The following TBXAS1 variants were observed in gnomAD, a reference collection of about 807,000 sequenced individuals.
TBXAS1 encodes thromboxane-A synthase.
A neutral mutation model predicts 60.7 loss-of-function variants in TBXAS1; 48 were observed. The observed-to-expected ratio is 0.79, with a 90% confidence interval of 0.63 to 1.01. The LOEUF (loss-of-function observed/expected upper bound fraction) is 1.01, where lower values mean the gene tolerates loss of function less well. Among genes scored for constraint, TBXAS1 ranks in the 50% least tolerant of loss-of-function variants. The probability of loss-of-function intolerance (pLI) is 0.00; values close to 1 mark genes in which losing one functional copy is unlikely to be tolerated. For missense variants in TBXAS1, 685 were observed against 686.3 expected (o/e 1.00, Z 0.02); for synonymous variants, 287 against 269.7 (o/e 1.06, Z -0.63).
At chr7:139,939,135 C>T (rs922609739) in intron 5 of TBXAS1, among the ~76,000 whole-genome samples, 3 of 152,102 alleles carry the variant, frequency 2.0e-5, no homozygotes, top group Non-Finnish European at 2.9e-5. Context: ...GAGGCCGAAG[C>T]GGGTGGATCA....
At chr7:139,894,638 C>T (rs1410867490) in intron 3 of TBXAS1, among the ~76,000 whole-genome samples, 1 of 152,216 alleles carries the variant, frequency 6.6e-6, no homozygotes, top group Non-Finnish European at 1.5e-5. Context: ...ATGCAATGCT[C>T]TTTCTACCAT....
At position 139,957,705 on chromosome 7, in the gene TBXAS1, T is replaced by C. The variant is rs1569519412; in HGVS notation, c.760T>C (p.Phe254Leu). The C allele has an allele frequency of 1.9e-6, 3 of 1,614,104 alleles. No individual in the cohort carries two copies. Among genetic ancestry groups the C allele is most frequent in the Admixed American group, 1.7e-5 (1 of 60,010 alleles). ...PNKNRDELNG[F>L]FNKLIRNVIA... ...TAAGAACCGAGACGAACTGAATGGC[T>C]TTTTTAACAAACTCATTAGGAATGT... Residue 254 changes from phenylalanine (F) to leucine (L), a missense_variant, in exon 8 of 13, where the codon TTT becomes CTT. Physicochemically the swap from Phe to Leu is conservative, Grantham distance 22 (BLOSUM62 0). Transcript: ENST00000448866.
At chr7:139,825,719 T>A (rs1404567774), upstream of TBXAS1, among the ~76,000 whole-genome samples, 6 of 152,222 alleles carry the variant, frequency 3.9e-5, no homozygotes, top group Non-Finnish European at 7.3e-5. Flanking sequence ...TATGGGACAG[T>A]GTACCGGTCA....
intron 4 of TBXAS1, among the ~76,000 whole-genome samples, chr7:139,804,922 C>T (rs896817793): frequency 3.3e-5 from 5 of 152,064 alleles, no homozygotes; most frequent in African/African-American, 9.7e-5. Context: ...TTTGTTTTTC[C>T]CTCTTAATAT....
chr7:139,935,062 C>A (rs1807639093), intron 4 of TBXAS1, among the ~76,000 whole-genome samples: 1 of 152,224 alleles, frequency 6.6e-6, no homozygotes, highest in Non-Finnish European at 1.5e-5. Flanking sequence ...GATCCACCCA[C>A]CTTGGCCTCC....
intron 4 of TBXAS1, among the ~76,000 whole-genome samples, chr7:139,922,208 T>A (rs1446958652): frequency 6.6e-6 from 1 of 151,914 alleles, no homozygotes. Flanking sequence ...TTCAAGCGAT[T>A]CTCCTGCCTC....
rs746537232 is a variant in TBXAS1 at position 139,953,407 on chromosome 7, G to T, written c.490G>T (p.Ala164Ser). 1 of 1,614,122 alleles carries T rather than the reference G, an allele frequency of 6.2e-7. No individual in the cohort carries two copies. Among genetic ancestry groups the T allele is most frequent in the South Asian group, 1.1e-5 (1 of 91,080 alleles). Residue 164 changes from alanine to serine, a missense_variant, in exon 6 of 13, where the codon GCT becomes TCT. Coordinates refer to ENST00000448866, the MANE Select transcript of TBXAS1 (RefSeq NM_001061.7). ...LISQACDLLL[A>S]HLKRYAESGD... is the part of the protein sequence containing the mutation. ...CAGCCAAGCCTGCGACCTTCTCCTGGCTCATTTAAAACGCTATGCGGAATC... is the reference window on the plus strand; with the variant it reads ...CAGCCAAGCCTGCGACCTTCTCCTGTCTCATTTAAAACGCTATGCGGAATC...
chr7:139,878,197 GAA>G (rs1802403803), intron 3 of TBXAS1, among the ~76,000 whole-genome samples: 2 of 116,680 alleles, frequency 1.7e-5, no homozygotes, highest in South Asian at 3.2e-4. Flanking sequence ...AAGAGACAGA[GAA>G]AGAGATAGAA....
intron 9 of TBXAS1, among the ~76,000 whole-genome samples, chr7:139,980,341 C>T (rs1380482204): frequency 1.3e-5 from 2 of 152,132 alleles, no homozygotes; most frequent in African/African-American, 2.4e-5. Context: ...AGGCGGGTTT[C>T]CCTAATGAGT....
chr7:139,825,448 C>A (rs1798412902), upstream of TBXAS1, among the ~76,000 whole-genome samples: 2 of 152,152 alleles, frequency 1.3e-5, no homozygotes, highest in African/African-American at 4.8e-5. Context: ...ATGGTTTCTA[C>A]AAATCACAAA....
chr7:139,801,769 A>G (rs566927139), intron 4 of TBXAS1, among the ~76,000 whole-genome samples: 1 of 151,314 alleles, frequency 6.6e-6, no homozygotes, highest in African/African-American at 2.4e-5. Context: ...CCATGTCATT[A>G]TTATTATTAT....
intron 4 of TBXAS1, among the ~76,000 whole-genome samples, chr7:139,811,732 T>C (rs1366000023): frequency 6.6e-6 from 1 of 152,236 alleles, no homozygotes; most frequent in Non-Finnish European, 1.5e-5. Flanking sequence ...GGATATTTTC[T>C]GAACATTCAA....
chr7:139,799,529 A>AT (rs1482035148), intron 4 of TBXAS1, among the ~76,000 whole-genome samples: 1 of 151,768 alleles, frequency 6.6e-6, no homozygotes, highest in East Asian at 1.9e-4. Context: ...TAATTTTTAA[A>AT]TTTTTTTGTA....
intron 3 of TBXAS1, among the ~76,000 whole-genome samples, chr7:139,907,876 T>C (rs914684220): frequency 6.6e-6 from 1 of 152,126 alleles, no homozygotes; most frequent in African/African-American, 2.4e-5. Flanking sequence ...TTCATCTTGA[T>C]TGAGCTTTAA....
chr7:139,866,194 C>A (rs1801405694), intron 1 of TBXAS1, among the ~76,000 whole-genome samples: 1 of 152,158 alleles, frequency 6.6e-6, no homozygotes, highest in Non-Finnish European at 1.5e-5. Flanking sequence ...AAACCAGTGA[C>A]TCATGGATCT....
At chr7:139,833,409 G>T (rs138437453) in intron 1 of TBXAS1, among the ~76,000 whole-genome samples, 1 of 151,492 alleles carries the variant, frequency 6.6e-6, no homozygotes, top group Non-Finnish European at 1.5e-5. Context: ...GGGGCCGGGC[G>T]TGGTGGCTCA....
rs376167651 is a variant in TBXAS1, at chr7:139,916,879, G to C, written c.333+5558G>C. Among the ~76,000 whole-genome samples the C allele has an allele frequency of 3.6e-4, 55 of 152,348 alleles. No homozygotes were observed. The Middle Eastern group carries it at 0.01, about 28-fold the overall frequency. ...ATTGAGGAGAGAGGGGCCCTTGGCA[G>C]ACTTGCCATAAAACCGCCCCCCTTG... is the stretch of plus-strand genomic sequence containing the variant. On this transcript the variant is annotated intron_variant, in intron 4 of 12. Transcript: ENST00000448866. This position sits in a 1 kb window ranked among gnomAD's most constrained non-coding sequence, Gnocchi z 4.2.
intron 9 of TBXAS1, among the ~76,000 whole-genome samples, chr7:139,991,709 G>A: frequency 6.6e-6 from 1 of 152,180 alleles, no homozygotes; most frequent in Non-Finnish European, 1.5e-5. Flanking sequence ...TGGTGACTTG[G>A]CCTCATAGGG....
Position 140,006,070 on chromosome 7 carries a change from G to A in TBXAS1, c.1135-1021G>A, listed in dbSNP as rs375294997. 1.3e-4 allele frequency among the ~76,000 whole-genome samples: 20 copies of A among 152,364 alleles called. No homozygotes were observed. The East Asian group carries it at 1.7e-3, about 13-fold the overall frequency. Reference sequence around the variant, plus strand: ...CCTGTAACTGGAACGTTGGCGGCTTGAGAATGGACTTGCCCTGAAGGCCGG... The same window carrying A: ...CCTGTAACTGGAACGTTGGCGGCTTAAGAATGGACTTGCCCTGAAGGCCGG... On this transcript the variant is annotated intron_variant, in intron 9 of 12. Transcript: ENST00000448866.
Sources: allele counts gnomAD v4.1 joint callset (sites outside exome capture counted in the v4.1 genomes callset), GRCh38; gene constraint gnomAD v4.1.1; non-coding constraint Gnocchi (gnomAD v3.1); transcripts MANE v1.5; gene names NCBI Gene and HGNC (gene_info 2026-07-23, HGNC 2026-07-21).